CYFIP1: variants seen among roughly 807,000 people sequenced by gnomAD.
CYFIP1 encodes the protein cytoplasmic FMR1-interacting protein 1.
Under a neutral mutation model 163.5 loss-of-function variants are expected in CYFIP1, and 58 were observed. The observed-to-expected ratio is 0.35, with a 90% CI of 0.29 to 0.44. The LOEUF is 0.44. Among genes scored for constraint, CYFIP1 ranks in the 20% least tolerant of loss-of-function variants. The pLI is 1.00. For missense variants in CYFIP1, 1,338 were observed against 1,653.8 expected (o/e 0.81, Z 3.31); for synonymous variants, 663 against 660.7 (o/e 1.00, Z -0.05).
intron 8 of CYFIP1, among the ~76,000 whole-genome samples, chr15:22,937,499 G>A (rs2061748221): frequency 6.6e-6 from 1 of 152,136 alleles, no homozygotes; most frequent in Non-Finnish European, 1.5e-5. Context: ...TACTAAGCTG[G>A]TGCAAAAGTA....
At chr15:22,936,839 A>G (rs1316589576) in intron 9 of CYFIP1, among the ~76,000 whole-genome samples, 1 of 152,198 alleles carries the variant, frequency 6.6e-6, no homozygotes, top group Non-Finnish European at 1.5e-5. Flanking sequence ...CTCACAAACA[A>G]GAGGCTGGTG....
intron 23 of CYFIP1, among the ~76,000 whole-genome samples, chr15:22,892,096 G>A (rs998813522): frequency 2.0e-5 from 3 of 152,214 alleles, no homozygotes; most frequent in African/African-American, 4.8e-5. Flanking sequence ...CTTCACAGGC[G>A]AGCCGGATCC....
intron 3 of CYFIP1, among the ~76,000 whole-genome samples, chr15:22,945,565 G>A (rs1479154843): frequency 1.3e-5 from 2 of 149,880 alleles, no homozygotes; most frequent in Non-Finnish European, 3.0e-5. Context: ...TTAGTGAGAC[G>A]TTCATCACAG....
At chr15:22,882,384 G>A (rs1010252413) in intron 24 of CYFIP1, among the ~76,000 whole-genome samples, 15 of 152,266 alleles carry the variant, frequency 9.9e-5, no homozygotes, top group Non-Finnish European at 2.1e-4. Flanking sequence ...AGCGGGTCCT[G>A]GAAGGACCTG....
At chr15:22,936,832 A>G (rs938332969) in intron 9 of CYFIP1, among the ~76,000 whole-genome samples, 6 of 152,196 alleles carry the variant, frequency 3.9e-5, no homozygotes. Flanking sequence ...GATGCACCTC[A>G]CAAACAAGAG....
chr15:22,947,000 T>C lies in CYFIP1; in HGVS notation c.207+3A>G. 6.2e-7 allele frequency: 1 copy of C among 1,612,640 alleles called. No homozygotes were observed. On this transcript the variant is annotated splice_donor_region_variant and intron_variant, in intron 3 of 30. Coordinates refer to ENST00000617928, the MANE Select transcript of CYFIP1 (RefSeq NM_014608.6). ...GAGAAACAAAGACACACCGCAACAT[T>C]ACCATGCTAGAGTGGACGGTGGCTT...
chr15:22,881,073 G>C (rs1244567169), intron 25 of CYFIP1, among the ~76,000 whole-genome samples: 2 of 152,148 alleles, frequency 1.3e-5, no homozygotes, highest in Non-Finnish European at 2.9e-5. Context: ...GTGGCTGAGG[G>C]GGACACCTTA....
intron 1 of CYFIP1, among the ~76,000 whole-genome samples, chr15:22,973,386 G>T (rs551739018): frequency 6.7e-6 from 1 of 149,414 alleles, no homozygotes; most frequent in South Asian, 2.1e-4. Flanking sequence ...TTTTCTACCC[G>T]TTCTTCACTG....
At chr15:22,944,372 C>CGTTG (rs2061989985) in intron 5 of CYFIP1, among the ~76,000 whole-genome samples, 186 bp downstream of exon 5, 1 of 151,846 alleles carries the variant, frequency 6.6e-6, no homozygotes, top group Admixed American at 6.6e-5. Flanking sequence ...ACAAAAGGAG[C>CGTTG]GTTGATTCCG....
rs533912331 is a variant in CYFIP1, at chr15:22,889,387, G to A, written c.2676+3503C>T. Among the ~76,000 whole-genome samples, 25 of 152,254 alleles carry A rather than the reference G, an allele frequency of 1.6e-4. No individual in the cohort carries two copies. The South Asian group carries it at 1.7e-3, about 10-fold the overall frequency. ...CCGCACCACCACCCTGGAACAGCGC[G>A]CTCATGTTGGCATCTTAATGGAAGC... On this transcript the variant is annotated intron_variant, in intron 23 of 30. Coordinates refer to ENST00000617928, the MANE Select transcript of CYFIP1 (RefSeq NM_014608.6).
chr15:22,943,159 AGGT>A lies in CYFIP1; in HGVS notation c.569+11_569+13del. The A allele has an allele frequency of 1.9e-6, 3 of 1,613,056 alleles. No individual in the cohort carries two copies. ...CTCTCGGGAGGGCCCGCAGTGCGCG[AGGT>A]GGGTGCTCACCTCTTGTACGCTGAG... On this transcript the variant is annotated intron_variant, in intron 6 of 30. Coordinates refer to ENST00000617928, the MANE Select transcript of CYFIP1 (RefSeq NM_014608.6).
chr15:22,933,410 G>C (rs561357920), intron 10 of CYFIP1, among the ~76,000 whole-genome samples: 1 of 151,352 alleles, frequency 6.6e-6, no homozygotes, highest in South Asian at 2.1e-4. Flanking sequence ...CGCCTCCCAG[G>C]TTCATGCCAT....
At chr15:22,956,326 A>G (rs912438876) in intron 1 of CYFIP1, among the ~76,000 whole-genome samples, 18 of 152,268 alleles carry the variant, frequency 1.2e-4, no homozygotes, top group African/African-American at 4.3e-4. Context: ...AGTAGGTCAT[A>G]ACCCTGAGTC....
intron 12 of CYFIP1, among the ~76,000 whole-genome samples, chr15:22,927,128 G>A (rs2061379702): frequency 6.6e-6 from 1 of 152,100 alleles, no homozygotes; most frequent in African/African-American, 2.4e-5. Flanking sequence ...CTTGAGGCCA[G>A]GAGTTTGAGA....
At chr15:22,933,758 A>T (rs570562703) in intron 10 of CYFIP1, 44 bp downstream of exon 10, 1 of 1,402,602 alleles carries the variant, frequency 7.1e-7, no homozygotes, top group South Asian at 1.2e-5. Flanking sequence ...CACAATGAGG[A>T]CACTGCCGAA....
In CYFIP1 at chr15:22,869,879, A is replaced by T; in HGVS notation, c.*149T>A. ...TATACAATTTTAGTCTAGAAAAATA[A>T]GTCAATTTTATAAAATTAAGTTTTT... is the stretch of plus-strand genomic sequence containing the variant. On this transcript the variant is annotated 3_prime_UTR_variant, in exon 31 of 31. Transcript: ENST00000617928. 1.6e-6 allele frequency: 1 copy of T among 632,610 alleles called. No homozygotes were observed. The highest frequency in any genetic ancestry group is 2.3e-6 in the Non-Finnish European group (1 of 426,672). The allele number at this position is 632,610 out of a possible 1,614,324, so 39.2% of individuals were successfully genotyped here.
intron 27 of CYFIP1, 111 bp from the exon 28 acceptor site, chr15:22,874,755 AC>A: frequency 1.5e-6 from 1 of 673,782 alleles, no homozygotes; most frequent in South Asian, 3.2e-5. Context: ...CATTATGGAT[AC>A]AGATTCTCTT....
At chr15:22,942,012 A>G (rs1030521963) in intron 6 of CYFIP1, among the ~76,000 whole-genome samples, 1 of 152,214 alleles carries the variant, frequency 6.6e-6, no homozygotes, top group Non-Finnish European at 1.5e-5. Flanking sequence ...GCTGTTATCA[A>G]ACAGGGACCC....
At chr15:22,938,923 TAAAAA>T (rs56169420) in intron 8 of CYFIP1, among the ~76,000 whole-genome samples, 6 of 74,378 alleles carry the variant, frequency 8.1e-5, no homozygotes, top group South Asian at 6.7e-4. Context: ...AAAAGCAGCT[TAAAAA>T]AAAAAAAAAA....
Sources: gnomAD v4.1 joint callset for allele counts (sites outside exome capture counted in the v4.1 genomes callset) on GRCh38, gnomAD v4.1.1 for gene constraint, MANE v1.5 for transcripts, NCBI Gene and HGNC (gene_info 2026-07-23, HGNC 2026-07-21) for gene names.